The following LRBA variants were observed in gnomAD, a reference collection of about 807,000 sequenced individuals.
The protein encoded by LRBA is lipopolysaccharide-responsive and beige-like anchor protein.
A neutral mutation model predicts 330.0 loss-of-function variants in LRBA; 176 were observed. The ratio of observed to expected loss-of-function variants is 0.53; its 90% CI spans 0.47 to 0.60. The LOEUF is 0.60. Ranked by LOEUF, LRBA falls within the 20% of genes least tolerant of loss-of-function variation. The pLI is 0.00. For synonymous variants in LRBA, 1,230 were observed against 1,193.0 expected, an observed-to-expected ratio of 1.03 and a Z score of -0.64; for missense variants, 3,259 against 3,444.8, an observed-to-expected ratio of 0.95 and a Z score of 1.35.
intron 36 of LRBA, among the ~76,000 whole-genome samples, chr4:150,700,284 T>C (rs1191095778): frequency 6.6e-6 from 1 of 152,224 alleles, no homozygotes; most frequent in Non-Finnish European, 1.5e-5. Context: ...TACATCATAC[T>C]GTTTATAGCC....
chr4:150,503,335 G>C (rs1300407643), intron 40 of LRBA, among the ~76,000 whole-genome samples: 2 of 152,136 alleles, frequency 1.3e-5, no homozygotes, highest in Admixed American at 6.5e-5. Context: ...CACACGGCCG[G>C]GTACTCCCCT....
At chr4:150,639,819 G>GTATATA (rs56731034) in intron 37 of LRBA, among the ~76,000 whole-genome samples, 2 of 4,498 alleles carry the variant, frequency 4.4e-4, no homozygotes, top group South Asian at 0.013. Flanking sequence ...GTGTGTGTGT[G>GTATATA]TATATATATA....
chr4:151,012,589 C>G lies in LRBA; in HGVS notation c.216+1838G>C, dbSNP rs150324508. Among the ~76,000 whole-genome samples, 254 of 152,322 alleles carry G rather than the reference C, an allele frequency of 1.7e-3. 4 individuals carry two copies. Among genetic ancestry groups the G allele is most frequent in the Non-Finnish European group, 8.8e-5 (6 of 68,026 alleles). On this transcript the variant is annotated intron_variant, in intron 2 of 56. Coordinates refer to ENST00000651943, the MANE Select transcript of LRBA (RefSeq NM_001364905.1). ...AAAGCCCCACACACATGCGCACACA[C>G]AAGATCCCCAAAATGTTGACAACTG...
chr4:150,642,699 A>G (rs961672160), intron 37 of LRBA, among the ~76,000 whole-genome samples: 19 of 152,002 alleles, frequency 1.2e-4, no homozygotes, highest in South Asian at 6.2e-4. Context: ...TCTAAATTCA[A>G]TAAGATATCA....
intron 34 of LRBA, among the ~76,000 whole-genome samples, chr4:150,786,489 C>G (rs986803092): frequency 5.3e-5 from 8 of 152,012 alleles, no homozygotes; most frequent in African/African-American, 1.7e-4. Flanking sequence ...GATGATCCAC[C>G]CAGCTCAGCC....
At chr4:150,653,389 T>C (rs2126778413) in intron 37 of LRBA, among the ~76,000 whole-genome samples, 1 of 152,330 alleles carries the variant, frequency 6.6e-6, no homozygotes, top group Non-Finnish European at 1.5e-5. Context: ...TAATCTATTA[T>C]ACTTTCATTC....
At chr4:150,727,067 G>GTTTTTTTTTTTTTTT (rs34671398) in intron 36 of LRBA, among the ~76,000 whole-genome samples, 2 of 79,500 alleles carry the variant, frequency 2.5e-5, no homozygotes, top group Admixed American at 2.1e-4. Context: ...ACATTTCGTT[G>GTTTTTTTTTTTTTTT]TTTTTTTTTT....
At chr4:150,542,596 T>C (rs1029862743) in intron 40 of LRBA, among the ~76,000 whole-genome samples, 9 of 152,110 alleles carry the variant, frequency 5.9e-5, no homozygotes, top group African/African-American at 2.2e-4. Flanking sequence ...TTTATTACTA[T>C]AAAAAGTGAA....
At chr4:150,851,219 A>C (rs561542433) in intron 23 of LRBA, among the ~76,000 whole-genome samples, 45 of 152,340 alleles carry the variant, frequency 3.0e-4, no homozygotes, top group African/African-American at 1.0e-3. Context: ...GCCTAAAAGA[A>C]AGGCAGTATT....
At chr4:150,282,767 A>G (rs2126765859) in intron 54 of LRBA, 121 bp from the exon 55 acceptor site, 2 of 671,348 alleles carry the variant, frequency 3.0e-6, no homozygotes, top group East Asian at 5.7e-5. Flanking sequence ...AAAGCCTTTA[A>G]AAAACTTCCA....
chr4:150,544,474 C>T (rs1276158972), intron 40 of LRBA, among the ~76,000 whole-genome samples: 1 of 152,188 alleles, frequency 6.6e-6, no homozygotes, highest in Non-Finnish European at 1.5e-5. Flanking sequence ...AATAACCGCT[C>T]ATCTTTCAGT....
chr4:150,377,854 G>GAA (rs1741587511), intron 47 of LRBA, among the ~76,000 whole-genome samples: 1 of 151,522 alleles, frequency 6.6e-6, no homozygotes, highest in Non-Finnish European at 1.5e-5. Flanking sequence ...AGGCATGGTG[G>GAA]TAGGCACCTG....
At chr4:150,357,513 A>G (rs77374178) in intron 47 of LRBA, among the ~76,000 whole-genome samples, 24 of 152,062 alleles carry the variant, frequency 1.6e-4, no homozygotes, top group African/African-American at 5.5e-4. Flanking sequence ...TTATCCAACT[A>G]TTTTCTTTAG....
At chr4:150,513,075 T>G (rs1304732664) in intron 40 of LRBA, among the ~76,000 whole-genome samples, 1 of 152,174 alleles carries the variant, frequency 6.6e-6, no homozygotes, top group Non-Finnish European at 1.5e-5. Context: ...AATTTAAAGT[T>G]TGAAATCAGC....
Position 150,654,746 on chromosome 4 carries a change from A to G in LRBA, c.5921+28805T>C, listed in dbSNP as rs569082424. On this transcript the variant is annotated intron_variant, in intron 37 of 56. Transcript: ENST00000651943. The stretch of plus-strand genomic sequence containing the variant: ...GCGTGATGTTCCCCTTCCTGTGTCC[A>G]TGTGTTCTCATTGTTCGATTCCCAC... Among the ~76,000 whole-genome samples, 359 of 151,846 alleles carry G rather than the reference A, an allele frequency of 2.4e-3. 1 individual carries two copies. Among genetic ancestry groups the G allele is most frequent in the African/African-American group, 8.3e-3 (342 of 41,352 alleles).
chr4:150,662,803 C>A (rs920346138), intron 37 of LRBA, among the ~76,000 whole-genome samples: 1 of 151,838 alleles, frequency 6.6e-6, no homozygotes, highest in Non-Finnish European at 1.5e-5. Flanking sequence ...TCTGTCTCTA[C>A]AAAAAAATTA....
At chr4:150,711,791 T>C (rs1333411875) in intron 36 of LRBA, among the ~76,000 whole-genome samples, 1 of 152,224 alleles carries the variant, frequency 6.6e-6, no homozygotes, top group African/African-American at 2.4e-5. Context: ...AGAGTAATGA[T>C]AATTGGGACA....
In LRBA at chr4:150,928,621, A is replaced by C. The variant is rs768454531; in HGVS notation, c.449-5T>G. The C allele has an allele frequency of 1.9e-6, 3 of 1,595,496 alleles. No homozygotes were observed. The highest frequency in any genetic ancestry group is 2.6e-6 in the Non-Finnish European group (3 of 1,165,906). On this transcript the variant is annotated splice_polypyrimidine_tract_variant and splice_region_variant and intron_variant, in intron 3 of 56. Transcript: ENST00000651943. ...CCAACATGTCAACCAAAAGATCTGG[A>C]AACAAAAGAAAACGATAAAATAACT...
At chr4:150,534,936 A>G (rs563309523) in intron 40 of LRBA, among the ~76,000 whole-genome samples, 2 of 152,366 alleles carry the variant, frequency 1.3e-5, no homozygotes, top group African/African-American at 4.8e-5. Context: ...TCAGTGTGAT[A>G]AAACTGTGAT....
Sources: allele counts gnomAD v4.1 joint callset (sites outside exome capture counted in the v4.1 genomes callset), GRCh38; gene constraint gnomAD v4.1.1; transcripts MANE v1.5; gene names NCBI Gene and HGNC (gene_info 2026-07-23, HGNC 2026-07-21).